The following LRRD1 variants were observed in gnomAD, a reference collection of about 807,000 sequenced individuals.
LRRD1 encodes leucine-rich repeat and death domain-containing protein 1.
Under a neutral mutation model 69.5 loss-of-function variants are expected in LRRD1, and 49 were observed. That is an observed-to-expected ratio of 0.70 (90% CI 0.56 to 0.89). The LOEUF (loss-of-function observed/expected upper bound fraction) is 0.89, where lower values mean the gene tolerates loss of function less well. Among genes scored for constraint, LRRD1 ranks in the 40% least tolerant of loss-of-function variants. The pLI, the probability that LRRD1 is intolerant of heterozygous loss-of-function variation, is 0.00. For missense variants in LRRD1, 853 were observed against 956.0 expected, an observed-to-expected ratio of 0.89 and a Z score of 1.42; for synonymous variants, 303 against 338.9, an observed-to-expected ratio of 0.89 and a Z score of 1.16.
chr7:92,163,896 C>A lies in LRRD1; in HGVS notation c.1307G>T (p.Cys436Phe), dbSNP rs918974465. 4 of 1,529,652 alleles carry A rather than the reference C, an allele frequency of 2.6e-6. No individual in the cohort carries two copies. Among genetic ancestry groups the A allele is most frequent in the Non-Finnish European group, 3.5e-6 (4 of 1,138,992 alleles). The allele number at this position is 1,529,652 out of a possible 1,614,324, so 94.8% of individuals were successfully genotyped here. A position where few individuals can be genotyped will look rare whatever the true frequency, so the allele number is the denominator to read the frequency against. The change falls in exon 2 of 6, where the codon TGT becomes TTT. Residue 436 changes from cysteine (C) to phenylalanine (F), a missense_variant. Coordinates refer to ENST00000458448, the MANE Select transcript of LRRD1 (RefSeq NM_001161528.2). ...GCATATGTTATTAAGATGTGAGATA[C>A]AGTCAGTTATTTTTACCATATTATT... ...NRNNMVKITD[C>F]ISHLNNICSL...
downstream of LRRD1, among the ~76,000 whole-genome samples, chr7:92,144,261 A>G (rs1820255004): frequency 6.6e-6 from 1 of 152,220 alleles, no homozygotes; most frequent in Non-Finnish European, 1.5e-5. Flanking sequence ...AACTCCAGTG[A>G]AAATCACTAG....
At position 92,150,626 on chromosome 7, in the gene LRRD1, T is replaced by C. The variant is rs1820442602; in HGVS notation, c.2186A>G (p.Asp729Gly). The C allele has an allele frequency of 1.3e-6, 2 of 1,551,238 alleles. No individual in the cohort carries two copies. The highest frequency in any genetic ancestry group is 1.7e-6 in the Non-Finnish European group (2 of 1,146,524). Residue 729 changes from aspartate to glycine, a missense_variant, in exon 4 of 6, where the codon GAC becomes GGC. By Grantham distance (94) the Asp-to-Gly change is moderately conservative. This residue lies in a region of LRRD1 where 739 missense variants were observed against 808.0 expected (regional missense o/e 0.91). Coordinates refer to ENST00000458448, the MANE Select transcript of LRRD1 (RefSeq NM_001161528.2). ...CACTGGAGGTCTCAGCAAAGGGTTG[T>C]CATCAAAATTTATCTCCTTCAGTGA... ...IFSLKEINFD[D>G]NPLLRPPVEI... is the part of the protein sequence containing the mutation.
At chr7:92,146,255 G>T in intron 4 of LRRD1, 55 bp from the exon 5 acceptor site, 2 of 855,460 alleles carry the variant, frequency 2.3e-6, no homozygotes, top group South Asian at 2.0e-5. Context: ...AATCTATTTT[G>T]AGTTCATATT....
intron 4 of LRRD1, among the ~76,000 whole-genome samples, chr7:92,147,973 G>C (rs956113730): frequency 7.2e-5 from 11 of 152,120 alleles, no homozygotes; most frequent in Non-Finnish European, 1.0e-4. Context: ...CTAGAGTACA[G>C]TGGCGGGATC....
chr7:92,172,279 G>A (rs1355812155), intron 1 of LRRD1, among the ~76,000 whole-genome samples: 1 of 152,102 alleles, frequency 6.6e-6, no homozygotes, highest in Non-Finnish European at 1.5e-5. Context: ...CTAAGATCTG[G>A]AACAAAACAA....
At position 92,163,271 on chromosome 7, in the gene LRRD1, A is replaced by C. The variant is rs1788825939; in HGVS notation, c.1917+15T>G. 54 of 1,412,962 alleles carry C rather than the reference A, an allele frequency of 3.8e-5. No homozygotes were observed. The highest frequency in any genetic ancestry group is 4.9e-5 in the Non-Finnish European group (53 of 1,074,578). 87.5% of individuals were successfully genotyped at this position (1,412,962 alleles called of 1,614,324 possible). A position where few individuals can be genotyped will look rare whatever the true frequency, so the allele number is the denominator to read the frequency against. ...TCTCTCCTTCCCCACAAAGCCCACA[A>C]TACCAGTCTCTTACCTTTCTCCCTT... On this transcript the variant is annotated intron_variant, in intron 2 of 5. Coordinates refer to ENST00000458448, the MANE Select transcript of LRRD1 (RefSeq NM_001161528.2).
At chr7:92,170,988 C>A (rs892044907) in intron 1 of LRRD1, among the ~76,000 whole-genome samples, 1 of 152,074 alleles carries the variant, frequency 6.6e-6, no homozygotes, top group South Asian at 2.1e-4. Flanking sequence ...TAAAAAGTTT[C>A]TTGAAACAAA....
At chr7:92,178,741 T>C (rs1296353460) in intron 1 of LRRD1, 1 of 152,210 alleles carries the variant, frequency 6.6e-6, no homozygotes, top group African/African-American at 2.4e-5. Context: ...TATATGCAAA[T>C]TATGTTTTAA....
At chr7:92,150,336 A>T (rs966158435) in intron 4 of LRRD1, among the ~76,000 whole-genome samples, 198 bp downstream of exon 4, 3 of 152,104 alleles carry the variant, frequency 2.0e-5, no homozygotes, top group African/African-American at 7.2e-5. Context: ...GCGGTGACAC[A>T]TGCCTGCAGT....
chr7:92,145,928 C>T (rs1216971737), intron 5 of LRRD1, among the ~76,000 whole-genome samples, 155 bp downstream of exon 5: 1 of 152,154 alleles, frequency 6.6e-6, no homozygotes, highest in Non-Finnish European at 1.5e-5. Context: ...ATATGGCCTT[C>T]CAACATGGAT....
chr7:92,173,526 G>C (rs911738798), intron 1 of LRRD1, among the ~76,000 whole-genome samples: 1 of 152,038 alleles, frequency 6.6e-6, no homozygotes, highest in Non-Finnish European at 1.5e-5. Context: ...CAAAAGTTCT[G>C]AATAGACATT....
chr7:92,148,392 G>A (rs1820381101), intron 4 of LRRD1, among the ~76,000 whole-genome samples: 1 of 152,046 alleles, frequency 6.6e-6, no homozygotes, highest in Non-Finnish European at 1.5e-5. Flanking sequence ...TTCAGAACTC[G>A]AGATGTACCA....
rs1820277350 is a variant in LRRD1 at position 92,144,885 on chromosome 7, T to G, written c.*3A>C. On this transcript the variant is annotated 3_prime_UTR_variant, in exon 6 of 6. Transcript: ENST00000458448. ...TTTTCAGTTTTTATTATTGATCCAC[T>G]GGTTAGAATTTAATTGCACGCGTAA... 2.8e-6 allele frequency: 4 copies of G among 1,451,320 alleles called. No individual in the cohort carries two copies. In the East Asian group the frequency reaches 1.0e-4, roughly 37 times the overall value. The allele number at this position is 1,451,320 out of a possible 1,614,324, so 89.9% of individuals were successfully genotyped here. A position where few individuals can be genotyped will look rare whatever the true frequency, so the allele number is the denominator to read the frequency against.
Position 92,164,481 on chromosome 7 carries a change from A to G in LRRD1, c.722T>C (p.Phe241Ser). Residue 241 changes from phenylalanine to serine, a missense_variant, in exon 2 of 6, where the codon TTT (phenylalanine) becomes TCT (serine). By Grantham distance (155) the Phe-to-Ser change is radical (BLOSUM62 -2). This residue lies in a region of LRRD1 where 739 missense variants were observed against 808.0 expected (regional missense o/e 0.91). Coordinates refer to ENST00000458448, the MANE Select transcript of LRRD1 (RefSeq NM_001161528.2). Reference sequence around the variant, plus strand: ...AAAATTTTCAATGTAATTGTTATAAAAAAAGAGTTGTCTGATATTCCCAAG... The same window carrying G: ...AAAATTTTCAATGTAATTGTTATAAGAAAAGAGTTGTCTGATATTCCCAAG... Reference protein sequence around the residue: ...SQLGNIRQLFFYNNYIENFPS... With the variant: ...SQLGNIRQLFSYNNYIENFPS... The G allele has an allele frequency of 2.6e-6, 4 of 1,550,262 alleles. No individual in the cohort carries two copies. Among genetic ancestry groups the G allele is most frequent in the Non-Finnish European group, 2.6e-6 (3 of 1,146,278 alleles).
rs926415116 is a variant in LRRD1, at chr7:92,163,444, A to C, written c.1759T>G (p.Ser587Ala). 1 of 1,545,562 alleles carries C rather than the reference A, an allele frequency of 6.5e-7. No individual in the cohort carries two copies. The highest frequency in any genetic ancestry group is 8.7e-7 in the Non-Finnish European group (1 of 1,145,270). The change falls in exon 2 of 6, where the codon TCG becomes GCG. Residue 587 changes from serine (S) to alanine (A), a missense_variant. Ser to Ala is a moderately conservative substitution (Grantham distance 99). Transcript: ENST00000458448. ...GAGATTTTCTGTAATTGGTTTTCCG[A>C]AAGATCAAGTACTTGCAAATTTTCT... is the stretch of plus-strand genomic sequence containing the variant. ...TLENLQVLDL[S>A]ENQLQKISSD... is the part of the protein sequence containing the mutation.
chr7:92,163,900 CAGTT>C lies in LRRD1; in HGVS notation c.1299_1302del (p.Ile433MetfsTer13). 6.5e-7 allele frequency: 1 copy of C among 1,534,022 alleles called. No homozygotes were observed. The highest frequency in any genetic ancestry group is 1.2e-5 in the South Asian group (1 of 81,366). ...ATGTTATTAAGATGTGAGATACAGT[CAGTT>C]ATTTTTACCATATTATTTCTGTTTA... is the stretch of plus-strand genomic sequence containing the variant. On this transcript the variant is annotated frameshift_variant, in exon 2 of 6. Coordinates refer to ENST00000458448, the MANE Select transcript of LRRD1 (RefSeq NM_001161528.2). LOFTEE classifies it high-confidence loss of function.
At chr7:92,145,548 T>A (rs1014900657) in intron 5 of LRRD1, among the ~76,000 whole-genome samples, 9 of 150,272 alleles carry the variant, frequency 6.0e-5, no homozygotes, top group African/African-American at 2.2e-4. Context: ...CACGCCATTC[T>A]CCTGCCTCAG....
intron 2 of LRRD1, among the ~76,000 whole-genome samples, chr7:92,161,848 G>GA (rs890951483): frequency 2.6e-4 from 39 of 151,974 alleles, no homozygotes; most frequent in African/African-American, 8.9e-4. Context: ...TAATTTCCAG[G>GA]AAAAAAAATG....
chr7:92,160,237 C>A (rs974116464), intron 2 of LRRD1, among the ~76,000 whole-genome samples: 4 of 152,114 alleles, frequency 2.6e-5, no homozygotes, highest in Admixed American at 2.0e-4. Context: ...TGTATAGGCA[C>A]CTCTAATAGC....
Sources: gnomAD v4.1 joint callset for allele counts (sites outside exome capture counted in the v4.1 genomes callset) on GRCh38, gnomAD v4.1.1 for gene constraint, gnomAD v4.1.1 regional missense constraint, MANE v1.5 for transcripts, NCBI Gene and HGNC (gene_info 2026-07-23, HGNC 2026-07-21) for gene names.